The following FBXW7 variants were observed in gnomAD, a reference collection of about 807,000 sequenced individuals.
FBXW7 encodes the protein F-box/WD repeat-containing protein 7.
In FBXW7, 11 loss-of-function variants were observed where a neutral mutation model predicts 86.3. That is an observed-to-expected ratio of 0.13 (90% CI 0.08 to 0.21). The LOEUF (loss-of-function observed/expected upper bound fraction) is 0.21, where lower values mean the gene tolerates loss of function less well. Among genes scored for constraint, FBXW7 ranks in the 10% least tolerant of loss-of-function variants. FBXW7 has a pLI of 1.00. For synonymous variants in FBXW7, 313 were observed against 297.9 expected (o/e 1.05, Z -0.52); for missense variants, 488 against 847.4 (o/e 0.58, Z 5.27).
chr4:152,322,822 G>A lies in FBXW7; in HGVS notation c.*59C>T, dbSNP rs1002037504. On this transcript the variant is annotated 3_prime_UTR_variant, in exon 14 of 14. Coordinates refer to ENST00000281708, the MANE Select transcript of FBXW7 (RefSeq NM_001349798.2). ...TTTCTTTTCTTTTTTTCTTTTTGCA[G>A]GGGGAAGGGCAGGGAGTATATCGTC... is the stretch of plus-strand genomic sequence containing the variant. 7.9e-5 allele frequency: 124 copies of A among 1,567,308 alleles called. No homozygotes were observed. Among genetic ancestry groups the A allele is most frequent in the Non-Finnish European group, 1.0e-4 (118 of 1,159,374 alleles).
Position 152,322,805 on chromosome 4 carries a change from C to T in FBXW7, c.*76G>A. ...CAAGGGATTTTTTTCTTTTTCTTTTCTTTTTTTCTTTTTGCAGGGGGAAGG... is the reference window on the plus strand; with the variant it reads ...CAAGGGATTTTTTTCTTTTTCTTTTTTTTTTTTCTTTTTGCAGGGGGAAGG... On this transcript the variant is annotated 3_prime_UTR_variant, in exon 14 of 14. Transcript: ENST00000281708. 2 of 1,560,454 alleles carry T rather than the reference C, an allele frequency of 1.3e-6. No homozygotes were observed. Among genetic ancestry groups the T allele is most frequent in the Admixed American group, 4.0e-5 (2 of 49,638 alleles).
intron 2 of FBXW7, among the ~76,000 whole-genome samples, chr4:152,467,423 A>G (rs1379469920): frequency 6.6e-6 from 1 of 152,182 alleles, no homozygotes; most frequent in Non-Finnish European, 1.5e-5. Context: ...TAAACTACCC[A>G]GTCTTGGGTA....
chr4:152,341,618 T>C (rs1730748439), intron 6 of FBXW7, among the ~76,000 whole-genome samples: 1 of 152,232 alleles, frequency 6.6e-6, no homozygotes, highest in Non-Finnish European at 1.5e-5. Flanking sequence ...ATACTCTCTC[T>C]AGATTAATGC....
At chr4:152,499,976 T>G (rs571635111) in intron 2 of FBXW7, among the ~76,000 whole-genome samples, 23 of 152,300 alleles carry the variant, frequency 1.5e-4, no homozygotes, top group African/African-American at 5.3e-4. Context: ...ATGAAAATGA[T>G]GCCTGGACCT....
chr4:152,515,661 T>C (rs560627002), intron 2 of FBXW7, among the ~76,000 whole-genome samples: 1 of 152,104 alleles, frequency 6.6e-6, no homozygotes, highest in South Asian at 2.1e-4. Context: ...AACAAAAAAG[T>C]TGTTTACAAA....
Position 152,535,854 on chromosome 4 carries a change from T to C in FBXW7, c.-940A>G. The C allele has an allele frequency of 5.2e-6, 2 of 382,782 alleles. No homozygotes were observed. Among genetic ancestry groups the C allele is most frequent in the Non-Finnish European group, 9.2e-6 (2 of 216,466 alleles). 23.7% of individuals were successfully genotyped at this position (382,782 alleles called of 1,614,324 possible). ...CGGCTCTGGCTCCGGCTCCGGCGTGTGCAGCCGCCGCTGCCGGCCGGGAAG... is the reference window on the plus strand; with the variant it reads ...CGGCTCTGGCTCCGGCTCCGGCGTGCGCAGCCGCCGCTGCCGGCCGGGAAG... On this transcript the variant is annotated 5_prime_UTR_variant, in exon 1 of 14. Transcript: ENST00000281708.
chr4:152,414,253 T>C (rs1738235532), intron 2 of FBXW7, among the ~76,000 whole-genome samples: 1 of 152,156 alleles, frequency 6.6e-6, no homozygotes, highest in Non-Finnish European at 1.5e-5. Flanking sequence ...TTCGGAACAT[T>C]AAACAGAACT....
intron 2 of FBXW7, among the ~76,000 whole-genome samples, chr4:152,457,836 G>A (rs1478217714): frequency 1.3e-5 from 2 of 151,666 alleles, no homozygotes; most frequent in African/African-American, 2.4e-5. Flanking sequence ...CACTGATACT[G>A]TGGAATTTAA....
At chr4:152,451,869 A>C (rs1452455931) in intron 2 of FBXW7, 1 of 152,176 alleles carries the variant, frequency 6.6e-6, no homozygotes, top group Non-Finnish European at 1.5e-5. Flanking sequence ...ATTTAAAAAC[A>C]CCATTTGTCA....
chr4:152,432,458 C>T (rs751096828), intron 2 of FBXW7, among the ~76,000 whole-genome samples: 9 of 152,122 alleles, frequency 5.9e-5, no homozygotes, highest in Non-Finnish European at 7.4e-5. Context: ...AAGTAGAAAG[C>T]GCAGTGAGTT....
rs1346129148 is a variant in FBXW7 at position 152,535,716 on chromosome 4, A to G, written c.-802T>C. The G allele has an allele frequency of 3.3e-5, 13 of 395,116 alleles. No homozygotes were observed. In the East Asian group the frequency reaches 4.7e-4, roughly 14 times the overall value. 24.5% of individuals were successfully genotyped at this position (395,116 alleles called of 1,614,324 possible). A position where few individuals can be genotyped will look rare whatever the true frequency, so the allele number is the denominator to read the frequency against. On this transcript the variant is annotated 5_prime_UTR_variant, in exon 1 of 14. Transcript: ENST00000281708. ...CCCCACGCCCCACGGGACGAGGCAG[A>G]AGCTCTGGCGCCTCCTCAGCGTTCT...
At chr4:152,505,517 TAAA>T (rs975807727) in intron 2 of FBXW7, among the ~76,000 whole-genome samples, 1 of 152,134 alleles carries the variant, frequency 6.6e-6, no homozygotes, top group African/African-American at 2.4e-5. Context: ...TTTCCTGTTT[TAAA>T]AAAAATTTTT....
At chr4:152,466,932 A>C (rs1436245421) in intron 2 of FBXW7, among the ~76,000 whole-genome samples, 2 of 152,068 alleles carry the variant, frequency 1.3e-5, no homozygotes. Context: ...AAAGAGCGAG[A>C]TTCCGTCTCA....
chr4:152,430,417 G>C (rs1257773697), intron 2 of FBXW7, among the ~76,000 whole-genome samples: 1 of 151,812 alleles, frequency 6.6e-6, no homozygotes, highest in East Asian at 1.9e-4. Flanking sequence ...AAAAATTACA[G>C]ATTACATAAG....
intron 2 of FBXW7, among the ~76,000 whole-genome samples, chr4:152,497,722 TG>T (rs1434014215): frequency 6.6e-6 from 1 of 152,162 alleles, no homozygotes; most frequent in East Asian, 1.9e-4. Flanking sequence ...CGGCAATACT[TG>T]ATAAAGTGGC....
intron 2 of FBXW7, among the ~76,000 whole-genome samples, chr4:152,415,186 A>G (rs1481072347): frequency 6.6e-6 from 1 of 152,152 alleles, no homozygotes; most frequent in African/African-American, 2.4e-5. Context: ...TGCCAGCTTC[A>G]AAGAAAAATT....
intron 6 of FBXW7, among the ~76,000 whole-genome samples, chr4:152,339,326 T>C (rs894600993): frequency 1.3e-5 from 2 of 152,208 alleles, no homozygotes; most frequent in African/African-American, 4.8e-5. Context: ...CATAAACATG[T>C]ATATGTACAC....
intron 2 of FBXW7, among the ~76,000 whole-genome samples, chr4:152,457,277 T>C (rs1227489444): frequency 1.3e-5 from 2 of 152,174 alleles, no homozygotes; most frequent in African/African-American, 4.8e-5. Context: ...ATATATTCAC[T>C]GGATATATAC....
At chr4:152,498,211 TAGTA>T (rs1182720980) in intron 2 of FBXW7, among the ~76,000 whole-genome samples, 1 of 151,874 alleles carries the variant, frequency 6.6e-6, no homozygotes, top group African/African-American at 2.4e-5. Flanking sequence ...AGACTGCAAA[TAGTA>T]AGCTTAGTGA....
Sources: allele counts gnomAD v4.1 joint callset (sites outside exome capture counted in the v4.1 genomes callset), GRCh38; gene constraint gnomAD v4.1.1; transcripts MANE v1.5; gene names NCBI Gene and HGNC (gene_info 2026-07-23, HGNC 2026-07-21).